USP39: variants seen among roughly 807,000 people sequenced by gnomAD.
The protein encoded by USP39 is ubiquitin specific peptidase 39, also known as ubiquitin carboxyl-terminal hydrolase 39.
In USP39, 38 loss-of-function variants were observed where a neutral mutation model predicts 66.4. The observed-to-expected ratio is 0.57, with a 90% CI of 0.44 to 0.75. The LOEUF is 0.75. Among genes scored for constraint, USP39 ranks in the 30% least tolerant of loss-of-function variants. The probability of loss-of-function intolerance (pLI) is 0.00; values close to 1 mark genes in which losing one functional copy is unlikely to be tolerated. For missense variants in USP39, 608 were observed against 714.4 expected (o/e 0.85, Z 1.70); for synonymous variants, 303 against 274.6 (o/e 1.10, Z -1.02).
intron 8 of USP39, 143 bp downstream of exon 8, chr2:85,637,579 C>G (rs1178315461): frequency 2.4e-6 from 2 of 827,120 alleles, no homozygotes; most frequent in African/African-American, 3.4e-5. Flanking sequence ...GCAGCTCTGC[C>G]TGGTCCCTGT....
chr2:85,621,249 C>A, intron 2 of USP39: 1 of 413,262 alleles, frequency 2.4e-6, no homozygotes, highest in South Asian at 3.8e-5. Flanking sequence ...GTTACAAACA[C>A]TAATGAGAAA....
At chr2:85,609,611 A>AAGAAGAGGGGG, upstream of USP39, 1 of 1,613,454 alleles carries the variant, frequency 6.2e-7, no homozygotes, top group Non-Finnish European at 8.5e-7. Context: ...CACAGTAAGA[A>AAGAAGAGGGGG]AGAAGAGGGG....
rs750952537 is a variant in USP39, at chr2:85,616,286, G to C, written c.91G>C (p.Glu31Gln). The C allele has an allele frequency of 3.8e-6, 6 of 1,562,246 alleles. No homozygotes were observed. The South Asian group carries it at 4.7e-5, about 12-fold the overall frequency. Residue 31 changes from glutamate (E) to glutamine (Q), a missense_variant, in exon 1 of 13, where the codon GAG becomes CAG. Glu to Gln is a conservative substitution (Grantham distance 29). Transcript: ENST00000323701. ...GGGCAGCTCCGGTCGCGTCAAGCGG[G>C]AGCGAGATCGGGAGCGGGAGCCTGA... is the stretch of plus-strand genomic sequence containing the variant. ...SRGSSGRVKR[E>Q]RDREREPEAA...
chr2:85,608,772 G>T, upstream of USP39: 8 of 281,656 alleles, frequency 2.8e-5, no homozygotes, highest in East Asian at 1.6e-4. Context: ...CAACATATAA[G>T]AAAGAATGAC....
chr2:85,622,387 T>C (rs534303572), intron 3 of USP39, among the ~76,000 whole-genome samples: 2 of 152,050 alleles, frequency 1.3e-5, no homozygotes, highest in African/African-American at 2.4e-5. Flanking sequence ...CCTCCCAAAG[T>C]GCTGGGATTA....
upstream of USP39, chr2:85,611,825 G>GGGCCA (rs543992256): frequency 7.5e-4 from 1,198 of 1,607,028 alleles, 5 homozygotes; most frequent in African/African-American, 0.014. Context: ...CTGTCGGGCC[G>GGGCCA]GGCCAGGCCA....
intron 1 of USP39, 152 bp downstream of exon 1, chr2:85,616,615 G>A (rs904381664): frequency 1.9e-5 from 24 of 1,285,434 alleles, no homozygotes; most frequent in Non-Finnish European, 2.5e-5. Context: ...CGACGATTCT[G>A]CTGTTCGACT....
chr2:85,629,063 G>A (rs1001232430), intron 5 of USP39, among the ~76,000 whole-genome samples: 7 of 152,020 alleles, frequency 4.6e-5, no homozygotes, highest in Admixed American at 6.6e-5. Context: ...TCCCAGTTTC[G>A]TTTTGTTTTG....
chr2:85,622,994 G>A (rs1034079087), intron 3 of USP39, among the ~76,000 whole-genome samples: 1 of 152,170 alleles, frequency 6.6e-6, no homozygotes, highest in Non-Finnish European at 1.5e-5. Context: ...GCTGGACTGT[G>A]GCACGGAGTA....
At chr2:85,623,435 T>C (rs1181058176) in intron 3 of USP39, among the ~76,000 whole-genome samples, 3 of 151,796 alleles carry the variant, frequency 2.0e-5, no homozygotes, top group Non-Finnish European at 2.9e-5. Flanking sequence ...TCTTAGGCCA[T>C]TTAGAGAATG....
At chr2:85,631,011 T>G (rs1675283280) in intron 6 of USP39, 65 bp downstream of exon 6, 1 of 1,540,820 alleles carries the variant, frequency 6.5e-7, no homozygotes, top group African/African-American at 1.4e-5. Context: ...TTATTTCCAC[T>G]TGGCAGTGAA....
intron 2 of USP39, 74 bp downstream of exon 2, chr2:85,619,363 T>G: frequency 6.8e-7 from 1 of 1,477,434 alleles, no homozygotes; most frequent in Non-Finnish European, 9.3e-7. Context: ...GACTGTACAG[T>G]GAACAACACA....
chr2:85,648,924 T>C lies in USP39; in HGVS notation c.*116T>C. On this transcript the variant is annotated 3_prime_UTR_variant, in exon 13 of 13. Coordinates refer to ENST00000323701, the MANE Select transcript of USP39 (RefSeq NM_006590.4). ...GGGCTTCCTAGGCCAGCCCAGCTTG[T>C]ATGGGTTCTGGCTACACCAGAGCAC... is the stretch of plus-strand genomic sequence containing the variant. 1 of 1,250,710 alleles carries C rather than the reference T, an allele frequency of 8.0e-7. No homozygotes were observed. The highest frequency in any genetic ancestry group is 1.3e-5 in the South Asian group (1 of 79,348). 77.5% of individuals were successfully genotyped at this position (1,250,710 alleles called of 1,614,324 possible).
At chr2:85,620,655 G>A (rs1449990010) in intron 2 of USP39, among the ~76,000 whole-genome samples, 1 of 152,140 alleles carries the variant, frequency 6.6e-6, no homozygotes, top group Non-Finnish European at 1.5e-5. Flanking sequence ...AGCTGTAAGG[G>A]GCTTGAACAT....
At chr2:85,645,326 G>C (rs903728978) in intron 11 of USP39, 2 of 386,794 alleles carry the variant, frequency 5.2e-6, no homozygotes, top group Non-Finnish European at 4.6e-6. Context: ...GCCCAGGCTG[G>C]AGTGCAGTGG....
intron 6 of USP39, among the ~76,000 whole-genome samples, chr2:85,634,600 C>T (rs1002114098): frequency 2.0e-5 from 3 of 152,062 alleles, no homozygotes; most frequent in African/African-American, 7.2e-5. Flanking sequence ...GGTGCCTCAC[C>T]CTTCTAAACA....
intron 5 of USP39, among the ~76,000 whole-genome samples, chr2:85,628,273 G>C (rs1675029163): frequency 6.6e-6 from 1 of 152,034 alleles, no homozygotes; most frequent in Admixed American, 6.6e-5. Context: ...AGCCTCCCGA[G>C]TAGCTGGGAC....
upstream of USP39, chr2:85,612,328 G>A (rs1015308469): frequency 5.8e-5 from 89 of 1,535,964 alleles, no homozygotes; most frequent in Non-Finnish European, 7.3e-5. Flanking sequence ...ACAACTCGAT[G>A]CTTACGGCGG....
upstream of USP39, chr2:85,609,691 CT>C (rs1164894749): frequency 5.1e-5 from 73 of 1,431,302 alleles, no homozygotes; most frequent in Non-Finnish European, 5.8e-5. Flanking sequence ...CCCCAGTCTT[CT>C]TTTTTTTGAG....
Sources: allele counts gnomAD v4.1 joint callset (sites outside exome capture counted in the v4.1 genomes callset), GRCh38; gene constraint gnomAD v4.1.1; transcripts MANE v1.5; gene names NCBI Gene and HGNC (gene_info 2026-07-23, HGNC 2026-07-21).